CACUL1: variants seen among roughly 807,000 people sequenced by gnomAD.
CACUL1 encodes CDK2-associated and cullin domain-containing protein 1.
Under a neutral mutation model 45.2 loss-of-function variants are expected in CACUL1, and 13 were observed. That is an observed-to-expected ratio of 0.29 (90% CI 0.19 to 0.46). The LOEUF is 0.46. Among genes scored for constraint, CACUL1 ranks in the 20% least tolerant of loss-of-function variants. CACUL1 has a pLI of 1.00. For synonymous variants in CACUL1, 197 were observed against 174.2 expected, an observed-to-expected ratio of 1.13 and a Z score of -1.03; for missense variants, 421 against 471.4, an observed-to-expected ratio of 0.89 and a Z score of 0.99.
intron 6 of CACUL1, chr10:118,691,619 G>A (rs924368365): frequency 4.8e-6 from 2 of 413,342 alleles, no homozygotes; most frequent in Non-Finnish European, 8.8e-6. Context: ...TGTAATCCTA[G>A]CACTTTGGGA....
intron 6 of CACUL1, among the ~76,000 whole-genome samples, chr10:118,694,187 G>A (rs1403932363): frequency 6.6e-6 from 1 of 152,280 alleles, no homozygotes; most frequent in African/African-American, 2.4e-5. Flanking sequence ...TCTAAAATCA[G>A]TCTACCAGTA....
At chr10:118,736,116 C>G (rs1045500137) in intron 1 of CACUL1, among the ~76,000 whole-genome samples, 2 of 152,084 alleles carry the variant, frequency 1.3e-5, no homozygotes, top group Non-Finnish European at 2.9e-5. Flanking sequence ...CTCAGAGCAG[C>G]TGAAGGCCAA....
At chr10:118,740,296 A>AATAT (rs1845780106) in intron 1 of CACUL1, among the ~76,000 whole-genome samples, 2 of 152,246 alleles carry the variant, frequency 1.3e-5, no homozygotes, top group South Asian at 4.1e-4. Flanking sequence ...CTATAATGTA[A>AATAT]ATATGGCTTA....
intron 3 of CACUL1, among the ~76,000 whole-genome samples, chr10:118,713,428 T>C (rs1415145141): frequency 6.6e-6 from 1 of 152,152 alleles, no homozygotes; most frequent in African/African-American, 2.4e-5. Context: ...CCATGGAGCA[T>C]GCAGCCCCAC....
At chr10:118,721,702 T>C (rs1450180523) in intron 3 of CACUL1, among the ~76,000 whole-genome samples, 1 of 152,228 alleles carries the variant, frequency 6.6e-6, no homozygotes, top group Middle Eastern at 3.2e-3. Flanking sequence ...CACTGTTTAC[T>C]GGGGCTAACG....
chr10:118,736,932 A>T (rs887948317), intron 1 of CACUL1, among the ~76,000 whole-genome samples: 2 of 152,178 alleles, frequency 1.3e-5, no homozygotes, highest in African/African-American at 4.8e-5. Flanking sequence ...ACAGGTTTGT[A>T]GCCTAAAAGC....
intron 3 of CACUL1, among the ~76,000 whole-genome samples, chr10:118,712,579 C>T (rs968788126): frequency 6.6e-6 from 1 of 152,246 alleles, no homozygotes; most frequent in African/African-American, 2.4e-5. Context: ...CAAAGAGGAG[C>T]TTCACTGAGC....
chr10:118,751,004 A>G (rs942494699), intron 1 of CACUL1, among the ~76,000 whole-genome samples: 11 of 152,278 alleles, frequency 7.2e-5, no homozygotes, highest in Non-Finnish European at 1.0e-4. Flanking sequence ...CTTTTCCATT[A>G]CTATTTTAAT....
intron 1 of CACUL1, among the ~76,000 whole-genome samples, chr10:118,737,040 G>T (rs533438334): frequency 9.3e-5 from 14 of 150,256 alleles, no homozygotes; most frequent in African/African-American, 3.2e-4. Flanking sequence ...GTACAAAATC[G>T]CCTAACAAAA....
chr10:118,722,319 C>T (rs1845609104), intron 3 of CACUL1, among the ~76,000 whole-genome samples: 2 of 151,998 alleles, frequency 1.3e-5, no homozygotes, highest in Admixed American at 1.3e-4. Flanking sequence ...ATCTCCCGAC[C>T]TCAGGTGATC....
rs992806210 is a variant in CACUL1, at chr10:118,676,588, ACTTAC to A, written c.*9535_*9539del. The A allele has an allele frequency of 1.3e-5, 2 of 152,238 alleles. No individual in the cohort carries two copies. The highest frequency in any genetic ancestry group is 4.8e-5 in the African/African-American group (2 of 41,462). 9.4% of individuals were successfully genotyped at this position (152,238 alleles called of 1,614,324 possible). Reference sequence around the variant, plus strand: ...TCATTAAAACCAAGCATGAAAATAAACTTACCTTAAGAACATTAAGTTGTTTTTAT... The same window carrying A: ...TCATTAAAACCAAGCATGAAAATAAACTTAAGAACATTAAGTTGTTTTTAT... On this transcript the variant is annotated 3_prime_UTR_variant, in exon 9 of 9. Coordinates refer to ENST00000369151, the MANE Select transcript of CACUL1 (RefSeq NM_153810.5).
At chr10:118,712,542 G>C (rs1845497072) in intron 3 of CACUL1, among the ~76,000 whole-genome samples, 1 of 152,222 alleles carries the variant, frequency 6.6e-6, no homozygotes, top group Non-Finnish European at 1.5e-5. Flanking sequence ...CAGAAGAAAA[G>C]GTACGCAGAC....
chr10:118,683,355 G>A lies in CACUL1; in HGVS notation c.*2773C>T, dbSNP rs1271163094. On this transcript the variant is annotated 3_prime_UTR_variant, in exon 9 of 9. Coordinates refer to ENST00000369151, the MANE Select transcript of CACUL1 (RefSeq NM_153810.5). ...GGTACAAAACCCAGTATGTAATTGG[G>A]GTAGAAAAACCATATACTGTACTGG... is the stretch of plus-strand genomic sequence containing the variant. 7.2e-6 allele frequency: 1 copy of A among 139,814 alleles called. No homozygotes were observed. Among genetic ancestry groups the A allele is most frequent in the African/African-American group, 2.8e-5 (1 of 36,268 alleles). 8.7% of individuals were successfully genotyped at this position (139,814 alleles called of 1,614,324 possible). A position where few individuals can be genotyped will look rare whatever the true frequency, so the allele number is the denominator to read the frequency against.
Position 118,679,611 on chromosome 10 carries a change from TG to T in CACUL1, c.*6516del, listed in dbSNP as rs997885515. 6 of 152,086 alleles carry T rather than the reference TG, an allele frequency of 3.9e-5. No homozygotes were observed. The highest frequency in any genetic ancestry group is 1.4e-4 in the African/African-American group (6 of 41,388). 9.4% of individuals were successfully genotyped at this position (152,086 alleles called of 1,614,324 possible). A position where few individuals can be genotyped will look rare whatever the true frequency, so the allele number is the denominator to read the frequency against. Reference sequence around the variant, plus strand: ...TTGGTTCACTGAAACCTCTGCCTCCTGGGTTCAGGCGATTTTCCTGCCTCAG... The same window carrying T: ...TTGGTTCACTGAAACCTCTGCCTCCTGGTTCAGGCGATTTTCCTGCCTCAG... On this transcript the variant is annotated 3_prime_UTR_variant, in exon 9 of 9. Coordinates refer to ENST00000369151, the MANE Select transcript of CACUL1 (RefSeq NM_153810.5).
Position 118,678,780 on chromosome 10 carries a change from C to G in CACUL1, c.*7348G>C, listed in dbSNP as rs1480684973. 6.6e-6 allele frequency: 1 copy of G among 152,132 alleles called. No individual in the cohort carries two copies. Among genetic ancestry groups the G allele is most frequent in the African/African-American group, 2.4e-5 (1 of 41,428 alleles). The allele number at this position is 152,132 out of a possible 1,614,324, so 9.4% of individuals were successfully genotyped here. ...GTTACATTTTGAATACACTGTTAGA[C>G]TTGGTTTGCAAAAACTTATTTTCCT... On this transcript the variant is annotated 3_prime_UTR_variant, in exon 9 of 9. Coordinates refer to ENST00000369151, the MANE Select transcript of CACUL1 (RefSeq NM_153810.5).
At position 118,747,278 on chromosome 10, in the gene CACUL1, G is replaced by C. The variant is rs559069243; in HGVS notation, c.367+7118C>G. Among the ~76,000 whole-genome samples, 11 of 152,318 alleles carry C rather than the reference G, an allele frequency of 7.2e-5. No homozygotes were observed. The South Asian group carries it at 1.4e-3, about 20-fold the overall frequency. On this transcript the variant is annotated intron_variant, in intron 1 of 8. Transcript: ENST00000369151. ...ACCAGTACAAGTGCCAATTAAGTAA[G>C]TGGAGCAACTGGAGCTGTCATATAC...
chr10:118,716,394 G>A (rs375822736), intron 3 of CACUL1, among the ~76,000 whole-genome samples: 1 of 149,782 alleles, frequency 6.7e-6, no homozygotes, highest in Admixed American at 6.7e-5. Context: ...ACTATAGATC[G>A]TCACCATCTC....
At chr10:118,725,408 C>A (rs531496469) in intron 3 of CACUL1, among the ~76,000 whole-genome samples, 1 of 152,282 alleles carries the variant, frequency 6.6e-6, no homozygotes, top group Non-Finnish European at 1.5e-5. Flanking sequence ...GTCAAGGCTG[C>A]AGTGAGCCAG....
intron 1 of CACUL1, among the ~76,000 whole-genome samples, chr10:118,734,070 G>A (rs1845720742): frequency 6.6e-6 from 1 of 152,144 alleles, no homozygotes; most frequent in Admixed American, 6.5e-5. Flanking sequence ...GTAGAAGATA[G>A]CTGATTTACT....
Sources: allele counts gnomAD v4.1 joint callset (sites outside exome capture counted in the v4.1 genomes callset), GRCh38; gene constraint gnomAD v4.1.1; transcripts MANE v1.5; gene names NCBI Gene and HGNC (gene_info 2026-07-23, HGNC 2026-07-21).